The following CPE variants were observed in gnomAD, a reference collection of about 807,000 sequenced individuals.
The protein encoded by CPE is carboxypeptidase E.
Under a neutral mutation model 53.5 loss-of-function variants are expected in CPE, and 17 were observed. That is an observed-to-expected ratio of 0.32 (90% CI 0.22 to 0.48). The LOEUF (loss-of-function observed/expected upper bound fraction) is 0.48. Ranked by LOEUF, CPE falls within the 20% of genes least tolerant of loss-of-function variation. The pLI is 0.99. For missense variants in CPE, 524 were observed against 614.7 expected, an observed-to-expected ratio of 0.85 and a Z score of 1.56; for synonymous variants, 226 against 228.8, an observed-to-expected ratio of 0.99 and a Z score of 0.11.
At chr4:165,386,261 A>G (rs1477343564) in intron 1 of CPE, 3 of 522,276 alleles carry the variant, frequency 5.7e-6, no homozygotes, top group Non-Finnish European at 1.2e-5. Flanking sequence ...TATAGACAAA[A>G]TACAATCCCG....
In CPE at chr4:165,489,084, G is replaced by A. The variant is rs1732557325; in HGVS notation, c.1113+1507G>A. 1.3e-5 allele frequency among the ~76,000 whole-genome samples: 2 copies of A among 152,206 alleles called. 1 individual carries two copies. On this transcript the variant is annotated intron_variant, in intron 6 of 8. Transcript: ENST00000402744. ...CAAAAACTAAGGATAAGCAGTCCAC[G>A]ATGACTCTAGAACAACTTTGGTGGG...
rs114601406 is a variant in CPE at position 165,464,217 on chromosome 4, C to T, written c.308-173C>T. On this transcript the variant is annotated intron_variant, in intron 1 of 8. Transcript: ENST00000402744. Reference sequence around the variant, plus strand: ...CCATAACAGGTGGGTAGCTGGGAGGCGAGGAATAGAAGGATAGAAGGGGTA... The same window carrying T: ...CCATAACAGGTGGGTAGCTGGGAGGTGAGGAATAGAAGGATAGAAGGGGTA... Among the ~76,000 whole-genome samples the T allele has an allele frequency of 4.5e-3, 682 of 151,878 alleles. 5 individuals are homozygous for T. Among genetic ancestry groups the T allele is most frequent in the African/African-American group, 0.015 (626 of 41,392 alleles).
intron 6 of CPE, among the ~76,000 whole-genome samples, chr4:165,491,679 A>G (rs1418405881): frequency 6.6e-6 from 1 of 152,074 alleles, no homozygotes; most frequent in Non-Finnish European, 1.5e-5. Flanking sequence ...ACTGTTTCCT[A>G]TTTGCAACAT....
intron 1 of CPE, among the ~76,000 whole-genome samples, chr4:165,392,393 G>A (rs2126656170): frequency 6.9e-6 from 1 of 144,416 alleles, no homozygotes; most frequent in African/African-American, 2.5e-5. Flanking sequence ...TATATATTAT[G>A]CATACATATT....
chr4:165,391,628 G>A (rs1730681062), intron 1 of CPE, among the ~76,000 whole-genome samples: 1 of 152,122 alleles, frequency 6.6e-6, no homozygotes, highest in African/African-American at 2.4e-5. Flanking sequence ...CTGAGTAGTA[G>A]AGGGCTGTAA....
intron 1 of CPE, among the ~76,000 whole-genome samples, chr4:165,452,169 A>G (rs1291125689): frequency 6.6e-6 from 1 of 152,158 alleles, no homozygotes; most frequent in Non-Finnish European, 1.5e-5. Context: ...GGTGAGAATG[A>G]GGAGAAGTTA....
intron 1 of CPE, among the ~76,000 whole-genome samples, chr4:165,393,175 C>T (rs1398000442): frequency 4.6e-5 from 7 of 151,854 alleles, no homozygotes; most frequent in African/African-American, 1.7e-4. Context: ...AAAATAAGAA[C>T]AAGAACAAAA....
chr4:165,459,602 T>C (rs1731957890), intron 1 of CPE, among the ~76,000 whole-genome samples: 1 of 146,234 alleles, frequency 6.8e-6, no homozygotes, highest in African/African-American at 2.6e-5. Flanking sequence ...TCAGGATTAC[T>C]GTGTAAAAAA....
At chr4:165,440,268 A>T (rs959992386) in intron 1 of CPE, among the ~76,000 whole-genome samples, 2 of 152,196 alleles carry the variant, frequency 1.3e-5, no homozygotes, top group Non-Finnish European at 2.9e-5. Context: ...TTTAAAGTTC[A>T]TCTTCATTAT....
chr4:165,445,900 A>G (rs1731706005), intron 1 of CPE, among the ~76,000 whole-genome samples: 1 of 152,144 alleles, frequency 6.6e-6, no homozygotes, highest in South Asian at 2.1e-4. Context: ...ACAGCTTGAT[A>G]TGAAGTCTGG....
Position 165,497,615 on chromosome 4 carries a change from G to A in CPE, c.*5G>A, listed in dbSNP as rs376979596. The A allele has an allele frequency of 1.8e-4, 276 of 1,530,882 alleles. No homozygotes were observed. Among genetic ancestry groups the A allele is most frequent in the Non-Finnish European group, 2.4e-4 (274 of 1,133,404 alleles). The allele number at this position is 1,530,882 out of a possible 1,614,324, so 94.8% of individuals were successfully genotyped here. On this transcript the variant is annotated 3_prime_UTR_variant, in exon 9 of 9. Transcript: ENST00000402744. ...TCAGAAACTTTAAATTTTTAAAAAG[G>A]CTTCTAGTTAGCTGCTTTAAATCTA... is the stretch of plus-strand genomic sequence containing the variant.
At chr4:165,459,674 T>TGGGGGGGGGGG (rs572743841) in intron 1 of CPE, among the ~76,000 whole-genome samples, 27 of 56,624 alleles carry the variant, frequency 4.8e-4, no homozygotes, top group African/African-American at 7.8e-4. Context: ...GAGGGCTGGG[T>TGGGGGGGGGGG]GGGGGGGGGC....
chr4:165,400,761 A>G (rs564168898), intron 1 of CPE, among the ~76,000 whole-genome samples: 2 of 152,294 alleles, frequency 1.3e-5, no homozygotes, highest in East Asian at 3.9e-4. Flanking sequence ...GTTTTTTGAA[A>G]GATTACATAC....
At chr4:165,457,812 G>A (rs1347002118) in intron 1 of CPE, among the ~76,000 whole-genome samples, 2 of 152,040 alleles carry the variant, frequency 1.3e-5, no homozygotes, top group African/African-American at 4.8e-5. Flanking sequence ...CCTTTTCTTG[G>A]TTTCCTTTCT....
chr4:165,449,769 A>G (rs910850641), intron 1 of CPE, among the ~76,000 whole-genome samples: 3 of 151,674 alleles, frequency 2.0e-5, no homozygotes, highest in Non-Finnish European at 4.4e-5. Flanking sequence ...GGTTTGGGGC[A>G]CATTGCTTTA....
intron 6 of CPE, among the ~76,000 whole-genome samples, chr4:165,491,714 A>G (rs1225484928): frequency 6.6e-6 from 1 of 152,186 alleles, no homozygotes; most frequent in Non-Finnish European, 1.5e-5. Context: ...TTATTTTTAT[A>G]GGGTGTGAGA....
At position 165,402,260 on chromosome 4, in the gene CPE, G is replaced by C. The variant is rs1730880870; in HGVS notation, c.307+22732G>C. Among the ~76,000 whole-genome samples the C allele has an allele frequency of 2.0e-5, 3 of 152,152 alleles. No individual in the cohort carries two copies. In the South Asian group the frequency reaches 6.2e-4, roughly 32 times the overall value. ...GCTTAGATGATCATTTACCTCTTCA[G>C]ATCTTTGAAAGAATTTCATAAATGA... On this transcript the variant is annotated intron_variant, in intron 1 of 8. Transcript: ENST00000402744.
chr4:165,470,321 G>GCT (rs1732183209), intron 3 of CPE, among the ~76,000 whole-genome samples: 1 of 152,070 alleles, frequency 6.6e-6, no homozygotes. Context: ...TCTTCCCTTG[G>GCT]GGTGGGCTGT....
chr4:165,479,636 A>C (rs868287190), intron 3 of CPE, among the ~76,000 whole-genome samples: 3 of 152,204 alleles, frequency 2.0e-5, no homozygotes, highest in Non-Finnish European at 4.4e-5. Flanking sequence ...CAAAATTTGA[A>C]AGGCACATGA....
Sources: gnomAD v4.1 joint callset for allele counts (sites outside exome capture counted in the v4.1 genomes callset) on GRCh38, gnomAD v4.1.1 for gene constraint, MANE v1.5 for transcripts, NCBI Gene and HGNC (gene_info 2026-07-23, HGNC 2026-07-21) for gene names.